Variants in FRMPD4 observed in about 807,000 individuals in gnomAD.
FRMPD4 encodes FERM and PDZ domain containing 4.
FRMPD4 carries 22 observed loss-of-function variants against 94.1 expected under a neutral mutation model. The ratio of observed to expected loss-of-function variants is 0.23; its 90% CI spans 0.17 to 0.33. The LOEUF is 0.33. Among genes scored for constraint, FRMPD4 ranks in the 10% least tolerant of loss-of-function variants. The probability of loss-of-function intolerance (pLI) is 1.00; values close to 1 mark genes in which losing one functional copy is unlikely to be tolerated. For synonymous variants in FRMPD4, 631 were observed against 548.6 expected (o/e 1.15, Z -2.10); for missense variants, 1,111 against 1,339.9 (o/e 0.83, Z 2.67).
At position 11,858,682 on chromosome X, in the gene FRMPD4, C is replaced by G. The variant is rs1236000193; in HGVS notation, c.-160-6404C>G. ...ATTTTAGTTATATAACAAACCTACA[C>G]TTGTACCCCTGAACTTAAAAGTTAA... On this transcript the variant is annotated intron_variant, in intron 1 of 18. Transcript: ENST00000640291. Among the ~76,000 whole-genome samples, 3 of 111,315 alleles carry G rather than the reference C, an allele frequency of 2.7e-5. No homozygotes were observed. The Admixed American group carries it at 2.9e-4, about 11-fold the overall frequency.
intron 2 of FRMPD4, among the ~76,000 whole-genome samples, chrX:12,537,107 G>T (rs1382900718): frequency 9.0e-6 from 1 of 111,473 alleles, no homozygotes; most frequent in Non-Finnish European, 1.9e-5. Flanking sequence ...GTTTAGGAAG[G>T]ACTCTTCCCC....
At chrX:12,446,715 T>C (rs958657364) in intron 1 of FRMPD4, among the ~76,000 whole-genome samples, 1 of 112,053 alleles carries the variant, frequency 8.9e-6, no homozygotes, top group South Asian at 3.8e-4. Flanking sequence ...ACCATGATGG[T>C]GAGGCTTCCC....
chrX:12,574,686 C>CA (rs2058792417), intron 2 of FRMPD4, among the ~76,000 whole-genome samples: 1 of 110,300 alleles, frequency 9.1e-6, no homozygotes, highest in Non-Finnish European at 1.9e-5. Flanking sequence ...TTTGTAGAGA[C>CA]AGAGTTTCGC....
chrX:12,529,149 G>T (rs969996885), intron 2 of FRMPD4, among the ~76,000 whole-genome samples: 6 of 112,137 alleles, frequency 5.4e-5, no homozygotes, highest in Non-Finnish European at 7.5e-5. Flanking sequence ...AGTTAGATTG[G>T]GGAAGGATCT....
intron 1 of FRMPD4, among the ~76,000 whole-genome samples, chrX:12,203,436 T>A (rs754946800): frequency 1.1e-4 from 12 of 111,814 alleles, no homozygotes; most frequent in Non-Finnish European, 2.3e-4. Context: ...TATATATTAA[T>A]GCCCAAACGT....
At chrX:12,469,218 C>T (rs941900493) in intron 1 of FRMPD4, among the ~76,000 whole-genome samples, 1 of 111,171 alleles carries the variant, frequency 9.0e-6, no homozygotes, top group African/African-American at 3.3e-5. Flanking sequence ...AACAGGGGCC[C>T]TTCCCTTCCC....
At chrX:12,575,162 AAAAG>A (rs1247554814) in intron 2 of FRMPD4, among the ~76,000 whole-genome samples, 1 of 111,951 alleles carries the variant, frequency 8.9e-6, no homozygotes, top group Non-Finnish European at 1.9e-5. Flanking sequence ...TGCTATTAAT[AAAAG>A]AAATAAAAAG....
intron 5 of FRMPD4, among the ~76,000 whole-genome samples, chrX:12,679,946 C>A (rs1465691897): frequency 8.9e-6 from 1 of 112,035 alleles, no homozygotes; most frequent in Non-Finnish European, 1.9e-5. Flanking sequence ...CTTAGGTCTG[C>A]ATTTTGGAGA....
Position 11,925,256 on chromosome X carries a change from T to C in FRMPD4, c.95+47238T>C, listed in dbSNP as rs781507018. Among the ~76,000 whole-genome samples, 5 of 111,276 alleles carry C rather than the reference T, an allele frequency of 4.5e-5. No individual in the cohort carries two copies. In the East Asian group the frequency reaches 1.4e-3, roughly 31 times the overall value. ...CCCAACACAGGAGTGCCCAGATTCA[T>C]AAAGCAAGTTTGTAGAGACCTTCAA... is the stretch of plus-strand genomic sequence containing the variant. On this transcript the variant is annotated intron_variant, in intron 3 of 18. Transcript: ENST00000640291.
intron 1 of FRMPD4, among the ~76,000 whole-genome samples, chrX:12,215,972 C>G (rs2056802480): frequency 8.9e-6 from 1 of 112,152 alleles, no homozygotes; most frequent in East Asian, 2.8e-4. Context: ...GTAGTTGTGA[C>G]CAAGACCACA....
At chrX:12,462,904 G>T (rs1168238838) in intron 1 of FRMPD4, among the ~76,000 whole-genome samples, 4 of 111,527 alleles carry the variant, frequency 3.6e-5, no homozygotes, top group African/African-American at 9.8e-5. Context: ...TGGGAGGATG[G>T]CTTGAGCCCA....
At chrX:11,845,028 T>A (rs2053565679) in intron 1 of FRMPD4, among the ~76,000 whole-genome samples, 1 of 112,434 alleles carries the variant, frequency 8.9e-6, no homozygotes, top group African/African-American at 3.2e-5. Flanking sequence ...CACTTTTCAA[T>A]GTCAGAATTT....
At chrX:12,136,326 C>CA (rs57110936), upstream of FRMPD4, among the ~76,000 whole-genome samples, 732 of 84,114 alleles carry the variant, frequency 8.7e-3, 10 homozygotes, top group African/African-American at 0.025. Flanking sequence ...AGATTCAGAC[C>CA]AAAAAAAAAA....
chrX:12,459,384 G>C (rs933000942), intron 1 of FRMPD4, among the ~76,000 whole-genome samples: 1 of 109,509 alleles, frequency 9.1e-6, no homozygotes. Flanking sequence ...TTTAGTAATT[G>C]TTTACTATTA....
chrX:12,710,693 G>C (rs1242075201), intron 14 of FRMPD4, among the ~76,000 whole-genome samples, 156 bp downstream of exon 14: 1 of 111,619 alleles, frequency 9.0e-6, no homozygotes, highest in Non-Finnish European at 1.9e-5. Flanking sequence ...GGATCACGAG[G>C]TCAGGCTTTC....
At chrX:12,059,339 C>A (rs896666529) in intron 3 of FRMPD4, among the ~76,000 whole-genome samples, 1 of 111,914 alleles carries the variant, frequency 8.9e-6, no homozygotes, top group Non-Finnish European at 1.9e-5. Flanking sequence ...TAGGTACATA[C>A]AAATTCATGA....
chrX:12,608,790 AT>A (rs1373720849), intron 2 of FRMPD4, among the ~76,000 whole-genome samples: 3 of 112,651 alleles, frequency 2.7e-5, no homozygotes, highest in Non-Finnish European at 5.6e-5. Context: ...AAATCAGTGA[AT>A]AAAACCAAGT....
intron 3 of FRMPD4, among the ~76,000 whole-genome samples, chrX:12,030,968 C>T (rs2054688281): frequency 8.9e-6 from 1 of 111,856 alleles, no homozygotes. Context: ...AAAATATCTA[C>T]CATAATGTCT....
intron 4 of FRMPD4, among the ~76,000 whole-genome samples, chrX:12,639,086 A>T (rs1318677461): frequency 9.0e-6 from 1 of 111,552 alleles, no homozygotes. Flanking sequence ...GTTGGTATGA[A>T]TCATATTCTG....
Sources: gnomAD v4.1 joint callset for allele counts (sites outside exome capture counted in the v4.1 genomes callset) on GRCh38, gnomAD v4.1.1 for gene constraint, MANE v1.5 for transcripts, NCBI Gene and HGNC (gene_info 2026-07-23, HGNC 2026-07-21) for gene names.